Variants in C3orf70 observed in about 807,000 individuals in gnomAD.
The protein encoded by C3orf70 is chromosome 3 open reading frame 70.
In C3orf70, 15 loss-of-function variants were observed where a neutral mutation model predicts 20.7. The observed-to-expected ratio is 0.72, with a 90% CI of 0.48 to 1.11. The LOEUF (loss-of-function observed/expected upper bound fraction) is 1.11. Ranked by LOEUF, C3orf70 falls within the 50% of genes most tolerant of loss-of-function variation. The pLI is 0.00. For synonymous variants in C3orf70, 161 were observed against 125.7 expected, an observed-to-expected ratio of 1.28 and a Z score of -1.88; for missense variants, 332 against 317.6, an observed-to-expected ratio of 1.05 and a Z score of -0.34.
intron 1 of C3orf70, among the ~76,000 whole-genome samples, chr3:185,122,994 A>G (rs1444063773): frequency 7.7e-6 from 1 of 129,702 alleles, no homozygotes. Context: ...CATCTCTACT[A>G]AAAAAAAAAA....
intron 1 of C3orf70, among the ~76,000 whole-genome samples, chr3:185,103,811 C>G (rs1715869931): frequency 6.6e-6 from 1 of 152,202 alleles, no homozygotes; most frequent in Non-Finnish European, 1.5e-5. Context: ...AGATCCAACA[C>G]AGAAGCCTTT....
chr3:185,152,516 C>CCCCGGCAGAG, intron 1 of C3orf70, 112 bp downstream of exon 1: 1 of 950,046 alleles, frequency 1.1e-6, no homozygotes, highest in Non-Finnish European at 1.5e-6. Flanking sequence ...GGCAGAGCAG[C>CCCCGGCAGAG]CCCGGCAGAG....
intron 1 of C3orf70, among the ~76,000 whole-genome samples, chr3:185,114,207 C>A (rs1405934592): frequency 6.6e-6 from 1 of 151,428 alleles, no homozygotes; most frequent in African/African-American, 2.4e-5. Flanking sequence ...CCCCACCCCC[C>A]AAAAAAAGAA....
intron 1 of C3orf70, among the ~76,000 whole-genome samples, chr3:185,113,098 A>G (rs1261226699): frequency 6.6e-6 from 1 of 152,124 alleles, no homozygotes; most frequent in Non-Finnish European, 1.5e-5. Context: ...TTTGCCTTCA[A>G]ATAGAAGTTT....
rs1055564450 is a variant in C3orf70, at chr3:185,079,133, T to C, written c.*3874A>G. On this transcript the variant is annotated 3_prime_UTR_variant, in exon 2 of 2. Coordinates refer to ENST00000335012, the MANE Select transcript of C3orf70 (RefSeq NM_001025266.3). ...CGTTTCTACTAAAAATACAAAAAAT[T>C]AGCGAGGCATGGTGGCGGGCACCTA... is the stretch of plus-strand genomic sequence containing the variant. 2.6e-5 allele frequency: 4 copies of C among 151,614 alleles called. No homozygotes were observed. The highest frequency in any genetic ancestry group is 9.7e-5 in the African/African-American group (4 of 41,222). The allele number at this position is 151,614 out of a possible 1,614,324, so 9.4% of individuals were successfully genotyped here.
chr3:185,116,721 A>T (rs1290427634), intron 1 of C3orf70, among the ~76,000 whole-genome samples: 1 of 152,210 alleles, frequency 6.6e-6, no homozygotes, highest in Non-Finnish European at 1.5e-5. Context: ...TGAAAAGCAA[A>T]CACAGAATCA....
Position 185,153,015 on chromosome 3 carries a change from C to G in C3orf70, c.-192G>C, listed in dbSNP as rs539789792. ...CCGCCCCGGGCGCTGCGACCGGGTCCGGGCTGGCAGCCTCCCTCCCTCCGG... is the reference window on the plus strand; with the variant it reads ...CCGCCCCGGGCGCTGCGACCGGGTCGGGGCTGGCAGCCTCCCTCCCTCCGG... On this transcript the variant is annotated 5_prime_UTR_variant, in exon 1 of 2. Coordinates refer to ENST00000335012, the MANE Select transcript of C3orf70 (RefSeq NM_001025266.3). The surrounding 1 kb of genome is among the most constrained non-coding windows in gnomAD (Gnocchi z 6.8). 4 of 248,030 alleles carry G rather than the reference C, an allele frequency of 1.6e-5. No homozygotes were observed. The highest frequency in any genetic ancestry group is 2.9e-5 in the Non-Finnish European group (4 of 138,962). 15.4% of individuals were successfully genotyped at this position (248,030 alleles called of 1,614,324 possible).
At chr3:185,146,980 G>A (rs1250894128) in intron 1 of C3orf70, among the ~76,000 whole-genome samples, 1 of 152,180 alleles carries the variant, frequency 6.6e-6, no homozygotes, top group Non-Finnish European at 1.5e-5. Context: ...CTGCGATAGC[G>A]CAGCCATAAG....
chr3:185,112,429 G>T (rs1716094040), intron 1 of C3orf70, among the ~76,000 whole-genome samples: 1 of 152,098 alleles, frequency 6.6e-6, no homozygotes, highest in South Asian at 2.1e-4. Flanking sequence ...CACTAGTTTT[G>T]CTTTCTCCCA....
chr3:185,091,856 G>A (rs114282488), intron 1 of C3orf70, among the ~76,000 whole-genome samples: 13,133 of 110,614 alleles, frequency 0.12, 975 homozygotes, highest in South Asian at 0.23. Flanking sequence ...AGCTATATAT[G>A]TATTATATTA....
chr3:185,115,927 G>A (rs551317873), intron 1 of C3orf70, among the ~76,000 whole-genome samples: 49 of 152,202 alleles, frequency 3.2e-4, no homozygotes, highest in African/African-American at 1.1e-3. Flanking sequence ...ACCTCCCAAA[G>A]GTCTCACCGC....
chr3:185,126,739 C>A (rs1051521340), intron 1 of C3orf70, among the ~76,000 whole-genome samples: 1 of 152,084 alleles, frequency 6.6e-6, no homozygotes, highest in Non-Finnish European at 1.5e-5. Flanking sequence ...TAGTGCAAAA[C>A]GAAAATGCTG....
Position 185,083,384 on chromosome 3 carries a change from T to A in C3orf70, c.376A>T (p.Ile126Phe). The change falls in exon 2 of 2, where the codon ATT becomes TTT. Residue 126 changes from isoleucine (I) to phenylalanine (F), a missense_variant. Transcript: ENST00000335012. ...TAGTTGTCAATAAAAAGGTCTGAAA[T>A]CATACAGTACCTCGGTGAGTCAGGG... is the stretch of plus-strand genomic sequence containing the variant. Reference protein sequence around the residue: ...LPPDSPRYCMISDLFIDNYQV... With the variant: ...LPPDSPRYCMFSDLFIDNYQV... The A allele has an allele frequency of 1.2e-6, 2 of 1,614,142 alleles. No individual in the cohort carries two copies. Among genetic ancestry groups the A allele is most frequent in the Non-Finnish European group, 8.5e-7 (1 of 1,180,032 alleles).
intron 1 of C3orf70, among the ~76,000 whole-genome samples, chr3:185,092,447 C>A (rs56771658): frequency 0.024 from 3,651 of 152,134 alleles, 118 homozygotes; most frequent in African/African-American, 0.083. Context: ...TACCTCACCT[C>A]CCCCCAAACC....
intron 1 of C3orf70, among the ~76,000 whole-genome samples, chr3:185,094,222 C>T (rs1715655103): frequency 6.6e-6 from 1 of 151,724 alleles, no homozygotes; most frequent in South Asian, 2.1e-4. Flanking sequence ...GGATTACAGG[C>T]ATGAGCCACC....
chr3:185,097,556 C>G (rs555896438), intron 1 of C3orf70, among the ~76,000 whole-genome samples: 224 of 152,284 alleles, frequency 1.5e-3, no homozygotes, highest in Non-Finnish European at 2.4e-3. Context: ...AATAGATGAA[C>G]ACATGTTAAT....
Position 185,082,555 on chromosome 3 carries a change from G to A in C3orf70, c.*452C>T, listed in dbSNP as rs1464032092. The stretch of plus-strand genomic sequence containing the variant: ...CATCTACCAGTGCACACTCAGTAGG[G>A]AGTGCTACTTGCGTAGGACAAGCAG... On this transcript the variant is annotated 3_prime_UTR_variant, in exon 2 of 2. Transcript: ENST00000335012. 1 of 167,728 alleles carries A rather than the reference G, an allele frequency of 6.0e-6. No homozygotes were observed. Among genetic ancestry groups the A allele is most frequent in the Non-Finnish European group, 1.3e-5 (1 of 77,848 alleles). The allele number at this position is 167,728 out of a possible 1,614,324, so 10.4% of individuals were successfully genotyped here. A position where few individuals can be genotyped will look rare whatever the true frequency, so the allele number is the denominator to read the frequency against.
At position 185,080,086 on chromosome 3, in the gene C3orf70, G is replaced by T. The variant is rs184906894; in HGVS notation, c.*2921C>A. 1.3e-5 allele frequency: 2 copies of T among 152,752 alleles called. No homozygotes were observed. The highest frequency in any genetic ancestry group is 3.9e-4 in the East Asian group (2 of 5,192). The allele number at this position is 152,752 out of a possible 1,614,324, so 9.5% of individuals were successfully genotyped here. ...CCAGTTCAATAACATATTTCAGAGT[G>T]TTATCAACAGTGCTAGGACAAAAAT... is the stretch of plus-strand genomic sequence containing the variant. On this transcript the variant is annotated 3_prime_UTR_variant, in exon 2 of 2. Coordinates refer to ENST00000335012, the MANE Select transcript of C3orf70 (RefSeq NM_001025266.3).
In C3orf70 at chr3:185,078,253, C is replaced by T. The variant is rs1020609769; in HGVS notation, c.*4754G>A. ...GTGAATATTGCCAGGTATGAACAGC[C>T]TTAAAAAGTGAGGTGGACACAACGA... On this transcript the variant is annotated 3_prime_UTR_variant, in exon 2 of 2. Coordinates refer to ENST00000335012, the MANE Select transcript of C3orf70 (RefSeq NM_001025266.3). 1.3e-5 allele frequency: 2 copies of T among 152,526 alleles called. No individual in the cohort carries two copies. The highest frequency in any genetic ancestry group is 2.9e-5 in the Non-Finnish European group (2 of 68,018). The allele number at this position is 152,526 out of a possible 1,614,324, so 9.4% of individuals were successfully genotyped here. A position where few individuals can be genotyped will look rare whatever the true frequency, so the allele number is the denominator to read the frequency against.
Sources: allele counts gnomAD v4.1 joint callset (sites outside exome capture counted in the v4.1 genomes callset), GRCh38; gene constraint gnomAD v4.1.1; non-coding constraint Gnocchi (gnomAD v3.1); transcripts MANE v1.5; gene names NCBI Gene and HGNC (gene_info 2026-07-23, HGNC 2026-07-21).